Variants in XPR1 observed in about 807,000 individuals in gnomAD.
XPR1 encodes xenotropic and polytropic retrovirus receptor 1, also known as solute carrier family 53 member 1.
XPR1 carries 28 observed loss-of-function variants against 87.5 expected under a neutral mutation model. The observed-to-expected ratio is 0.32, with a 90% confidence interval of 0.24 to 0.44. The LOEUF (loss-of-function observed/expected upper bound fraction) is 0.44, where lower values mean the gene tolerates loss of function less well. XPR1 is among the 20% of genes least tolerant of loss of function. The pLI is 1.00. For missense variants in XPR1, 559 were observed against 862.3 expected, an observed-to-expected ratio of 0.65 and a Z score of 4.41; for synonymous variants, 300 against 306.1, an observed-to-expected ratio of 0.98 and a Z score of 0.21.
chr1:180,852,272 CAG>C (rs1206281317), intron 11 of XPR1, among the ~76,000 whole-genome samples: 1 of 151,908 alleles, frequency 6.6e-6, no homozygotes, highest in African/African-American at 2.4e-5. Context: ...AGAAGTAATG[CAG>C]AGAGATCCCA....
intron 1 of XPR1, among the ~76,000 whole-genome samples, chr1:180,640,468 G>C (rs74870300): frequency 6.6e-6 from 1 of 152,198 alleles, no homozygotes; most frequent in Non-Finnish European, 1.5e-5. Flanking sequence ...AAGAGCCCAT[G>C]CTCTTAATTT....
chr1:180,858,571 T>C (rs1021064159), intron 11 of XPR1, among the ~76,000 whole-genome samples: 1 of 152,210 alleles, frequency 6.6e-6, no homozygotes, highest in Non-Finnish European at 1.5e-5. Flanking sequence ...CTCATTCTGG[T>C]TCCCCCATTT....
At chr1:180,774,371 C>G (rs1391013888) in intron 2 of XPR1, among the ~76,000 whole-genome samples, 1 of 142,650 alleles carries the variant, frequency 7.0e-6, no homozygotes, top group Admixed American at 7.1e-5. Context: ...AAAAAGAAAT[C>G]TGTCTTTCCT....
chr1:180,723,488 A>G (rs1021495301), intron 2 of XPR1, among the ~76,000 whole-genome samples: 2 of 152,206 alleles, frequency 1.3e-5, no homozygotes, highest in African/African-American at 2.4e-5. Context: ...GTAAAACTCT[A>G]CATAAAGAAC....
In XPR1 at chr1:180,863,762, T is replaced by C. The variant is rs755832783; in HGVS notation, c.1556T>C (p.Ile519Thr). Reference protein sequence around the residue: ...VFFYLWIVFYIISSCYTLIWD... With the variant: ...VFFYLWIVFYTISSCYTLIWD... ...TTTTACCTGTGGATTGTCTTTTATA[T>C]CATCAGTTCCTGCTATACCCTCATC... The change falls in exon 12 of 15, where the codon ATC becomes ACC. Residue 519 changes from isoleucine to threonine, a missense_variant. By Grantham distance (89) the Ile-to-Thr change is moderately conservative (BLOSUM62 -1). Coordinates refer to ENST00000367590, the MANE Select transcript of XPR1 (RefSeq NM_004736.4). The C allele has an allele frequency of 3.7e-6, 6 of 1,609,410 alleles. No individual in the cohort carries two copies. The South Asian group carries it at 5.5e-5, about 15-fold the overall frequency.
intron 1 of XPR1, among the ~76,000 whole-genome samples, chr1:180,655,463 C>G (rs533403365): frequency 2.7e-5 from 4 of 146,146 alleles, no homozygotes; most frequent in African/African-American, 5.1e-5. Flanking sequence ...TGTGGTGGTG[C>G]GATCTTGGCT....
chr1:180,825,053 T>C (rs1650778816), intron 8 of XPR1, 110 bp downstream of exon 8: 1 of 1,497,696 alleles, frequency 6.7e-7, no homozygotes, highest in South Asian at 1.4e-5. Flanking sequence ...GATTATTAGC[T>C]TAATAACTAA....
At chr1:180,709,638 T>C (rs1215179101) in intron 2 of XPR1, among the ~76,000 whole-genome samples, 1 of 152,188 alleles carries the variant, frequency 6.6e-6, no homozygotes, top group African/African-American at 2.4e-5. Context: ...TCACTTAGAA[T>C]GTGTCAATGT....
intron 11 of XPR1, among the ~76,000 whole-genome samples, chr1:180,845,818 C>T (rs914300256): frequency 5.9e-5 from 9 of 152,102 alleles, no homozygotes; most frequent in Non-Finnish European, 7.4e-5. Flanking sequence ...GGCCAAAATA[C>T]GAAAATAATT....
chr1:180,829,847 G>C (rs12120522), intron 9 of XPR1, among the ~76,000 whole-genome samples: 58,046 of 149,934 alleles, frequency 0.39, 11,366 homozygotes, highest in African/African-American at 0.43. Context: ...TTTCATGTCA[G>C]TCCTATCCTT....
rs555362156 is a variant in XPR1, at chr1:180,702,375, A to G, written c.121+19964A>G. On this transcript the variant is annotated intron_variant, in intron 2 of 14. Coordinates refer to ENST00000367590, the MANE Select transcript of XPR1 (RefSeq NM_004736.4). ...CTTCCAACTATGTGGTCAATTTTGG[A>G]ATAGGTGTGGTGTGGTGCTGAAAAA... Among the ~76,000 whole-genome samples the G allele has an allele frequency of 5.9e-4, 86 of 146,850 alleles. No homozygotes were observed. The Middle Eastern group carries it at 0.01, about 18-fold the overall frequency.
chr1:180,808,425 CAA>C (rs1241039738), intron 6 of XPR1, among the ~76,000 whole-genome samples: 1 of 151,928 alleles, frequency 6.6e-6, no homozygotes, highest in Non-Finnish European at 1.5e-5. Context: ...TTGGGTTATG[CAA>C]AGATTTCTTA....
intron 1 of XPR1, among the ~76,000 whole-genome samples, chr1:180,680,309 T>C (rs1656525535): frequency 6.7e-6 from 1 of 148,578 alleles, no homozygotes; most frequent in Admixed American, 6.7e-5. Context: ...CTAGTACAGC[T>C]ACTATGGAGA....
chr1:180,811,871 C>T (rs1650228559), intron 7 of XPR1, among the ~76,000 whole-genome samples: 1 of 152,088 alleles, frequency 6.6e-6, no homozygotes, highest in African/African-American at 2.4e-5. Context: ...TTATTGGAGA[C>T]CCTCTCGCAT....
In XPR1 at chr1:180,670,205, G is replaced by A. The variant is rs61625825; in HGVS notation, c.70-12155G>A. Among the ~76,000 whole-genome samples, 1,182 of 152,048 alleles carry A rather than the reference G, an allele frequency of 7.8e-3. 17 individuals carry two copies. Among genetic ancestry groups the A allele is most frequent in the African/African-American group, 0.027 (1,128 of 41,482 alleles). Reference sequence around the variant, plus strand: ...TTCTGCCAATTTCTGTTTTTTCATTGGAGAATTTAATTCATTTACATCTAA... The same window carrying A: ...TTCTGCCAATTTCTGTTTTTTCATTAGAGAATTTAATTCATTTACATCTAA... On this transcript the variant is annotated intron_variant, in intron 1 of 14. Transcript: ENST00000367590.
intron 11 of XPR1, among the ~76,000 whole-genome samples, chr1:180,853,577 T>C (rs1389712806): frequency 6.6e-6 from 1 of 151,746 alleles, no homozygotes; most frequent in Non-Finnish European, 1.5e-5. Flanking sequence ...GACTAGTGAT[T>C]TTTTTAATTG....
chr1:180,817,235 A>AT (rs1449233180), intron 7 of XPR1, among the ~76,000 whole-genome samples: 1 of 152,196 alleles, frequency 6.6e-6, no homozygotes, highest in African/African-American at 2.4e-5. Context: ...AGGTTTAAAA[A>AT]TTTTTTAAGT....
At chr1:180,816,757 G>A (rs912146455) in intron 7 of XPR1, among the ~76,000 whole-genome samples, 4 of 152,134 alleles carry the variant, frequency 2.6e-5, no homozygotes, top group African/African-American at 4.8e-5. Flanking sequence ...TAAAAGTTTA[G>A]CACTTAAAAT....
chr1:180,779,824 C>T (rs533795754), intron 2 of XPR1, among the ~76,000 whole-genome samples: 89 of 152,206 alleles, frequency 5.8e-4, no homozygotes, highest in South Asian at 3.7e-3. Flanking sequence ...CATCCCTCCC[C>T]GCTCCTCCTA....
Sources: allele counts gnomAD v4.1 joint callset (sites outside exome capture counted in the v4.1 genomes callset), GRCh38; gene constraint gnomAD v4.1.1; transcripts MANE v1.5; gene names NCBI Gene and HGNC (gene_info 2026-07-23, HGNC 2026-07-21).